Variants in XKR3 observed in about 807,000 individuals in gnomAD.
XKR3 encodes the protein XK-related protein 3.
In XKR3, 27 loss-of-function variants were observed where a neutral mutation model predicts 40.3. That is an observed-to-expected ratio of 0.67 (90% confidence interval 0.49 to 0.92). The LOEUF is 0.92. Ranked by LOEUF, XKR3 falls within the 40% of genes least tolerant of loss-of-function variation. The pLI, the probability that XKR3 is intolerant of heterozygous loss-of-function variation, is 0.00. For missense variants in XKR3, 472 were observed against 537.6 expected (o/e 0.88, Z 1.21); for synonymous variants, 193 against 195.4 (o/e 0.99, Z 0.10).
chr22:16,787,073 A>T (rs1480601683), intron 3 of XKR3, among the ~76,000 whole-genome samples: 5 of 152,198 alleles, frequency 3.3e-5, no homozygotes, highest in Admixed American at 1.3e-4. Context: ...GAAAAAACTA[A>T]TAAAAAAGTT....
At chr22:16,819,888 A>C (rs1235788671) in intron 1 of XKR3, among the ~76,000 whole-genome samples, 1 of 152,174 alleles carries the variant, frequency 6.6e-6, no homozygotes, top group Non-Finnish European at 1.5e-5. Context: ...GGTAAAAATT[A>C]ATTAGCTAAT....
chr22:16,814,416 T>A (rs1048782101), intron 1 of XKR3, among the ~76,000 whole-genome samples: 1 of 152,168 alleles, frequency 6.6e-6, no homozygotes, highest in Non-Finnish European at 1.5e-5. Flanking sequence ...TGCAGCTTTG[T>A]GGTAAATTTT....
intron 3 of XKR3, among the ~76,000 whole-genome samples, chr22:16,787,511 A>T (rs1270846737): frequency 4.0e-5 from 6 of 151,802 alleles, no homozygotes; most frequent in Non-Finnish European, 5.9e-5. Flanking sequence ...TTGAGCCAAG[A>T]TCACGCCATT....
At chr22:16,810,529 G>A (rs2060208229) in intron 1 of XKR3, among the ~76,000 whole-genome samples, 1 of 152,146 alleles carries the variant, frequency 6.6e-6, no homozygotes, top group African/African-American at 2.4e-5. Context: ...CCTCTTTAGT[G>A]ATCCCCTACC....
intron 3 of XKR3, among the ~76,000 whole-genome samples, chr22:16,796,064 ACTATGAACAACT>A (rs1284986796): frequency 6.6e-6 from 1 of 152,208 alleles, no homozygotes; most frequent in African/African-American, 2.4e-5. Flanking sequence ...CTCAGAGACA[ACTATGAACAACT>A]CTATGAACAC....
intron 3 of XKR3, among the ~76,000 whole-genome samples, chr22:16,796,455 TAAC>T (rs1396601724): frequency 6.6e-6 from 1 of 152,076 alleles, no homozygotes; most frequent in Non-Finnish European, 1.5e-5. Context: ...CAAAAATCCT[TAAC>T]AAAATCTCAG....
Position 16,783,623 on chromosome 22 carries a change from G to A in XKR3, c.1376C>T (p.Ser459Leu). The A allele has an allele frequency of 9.5e-6, 15 of 1,575,066 alleles. No homozygotes were observed. In the South Asian group the frequency reaches 1.8e-4, roughly 19 times the overall value. ...YFSIRKSMTCS is the reference protein window; with the variant it reads ...YFSIRKSMTCL ...GTGAAAGTATATATGTATATTTTAT[G>A]AACATGTCATACTTTTTCTGATTGA... Residue 459 changes from serine (S) to leucine (L), a missense_variant, in exon 4 of 4, where the codon TCA (serine) becomes TTA (leucine). Transcript: ENST00000684488.
At chr22:16,792,952 T>A (rs1322095762) in intron 3 of XKR3, among the ~76,000 whole-genome samples, 1 of 152,270 alleles carries the variant, frequency 6.6e-6, no homozygotes, top group African/African-American at 2.4e-5. Flanking sequence ...TATTCACGTA[T>A]ACTTGAATGG....
At position 16,783,740 on chromosome 22, in the gene XKR3, G is replaced by A. The variant is rs2060075786; in HGVS notation, c.1259C>T (p.Pro420Leu). The A allele has an allele frequency of 2.5e-6, 4 of 1,613,822 alleles. No individual in the cohort carries two copies. Among genetic ancestry groups the A allele is most frequent in the Admixed American group, 3.3e-5 (2 of 59,980 alleles). Residue 420 changes from proline (P) to leucine (L), a missense_variant, in exon 4 of 4, where the codon CCG (proline) becomes CTG (leucine). Physicochemically the swap from Pro to Leu is moderately conservative, Grantham distance 98. Transcript: ENST00000684488. ...PGRTENQPEA[P>L]YYYVNIEKTE... Reference sequence around the variant, plus strand: ...TTTCTCGATGTTTACATAATAGTACGGTGCTTCTGGCTGATTTTCAGTACG... The same window carrying A: ...TTTCTCGATGTTTACATAATAGTACAGTGCTTCTGGCTGATTTTCAGTACG...
chr22:16,809,318 T>G (rs1026886351), intron 1 of XKR3, among the ~76,000 whole-genome samples: 1 of 152,242 alleles, frequency 6.6e-6, no homozygotes, highest in African/African-American at 2.4e-5. Context: ...TCCATCAATA[T>G]GATTGATCTT....
intron 3 of XKR3, among the ~76,000 whole-genome samples, chr22:16,796,556 T>G (rs2060141740): frequency 6.6e-6 from 1 of 152,034 alleles, no homozygotes; most frequent in African/African-American, 2.4e-5. Flanking sequence ...GCTCAACATG[T>G]CCAAATCAAT....
rs1341760677 is a variant in XKR3, at chr22:16,784,289, C to G, written c.710G>C (p.Cys237Ser). 8 of 1,614,182 alleles carry G rather than the reference C, an allele frequency of 5.0e-6. No individual in the cohort carries two copies. The East Asian group carries it at 1.8e-4, about 36-fold the overall frequency. The change falls in exon 4 of 4, where the codon TGT (cysteine) becomes TCT (serine). Residue 237 changes from cysteine (C) to serine (S), a missense_variant. Cys to Ser is a moderately radical substitution (Grantham distance 112, BLOSUM62 -1). Coordinates refer to ENST00000684488, the MANE Select transcript of XKR3 (RefSeq NM_001386955.1). ...TIKLPPIEFF[C>S]VVMWRFLEVI... ...CTCCAAAAAACGCCACATCACGACA[C>G]AGAAGAATTCTATCGGCGGTAGCTT... is the stretch of plus-strand genomic sequence containing the variant.
chr22:16,800,731 T>TA (rs1283008651), intron 2 of XKR3, among the ~76,000 whole-genome samples: 3 of 152,206 alleles, frequency 2.0e-5, no homozygotes, highest in East Asian at 3.9e-4. Flanking sequence ...CAGATCTTTA[T>TA]AAAAAATCAC....
chr22:16,823,906 T>C (rs1465406481), intron 1 of XKR3, among the ~76,000 whole-genome samples: 1 of 152,086 alleles, frequency 6.6e-6, no homozygotes, highest in Non-Finnish European at 1.5e-5. Flanking sequence ...CAGGTGATGA[T>C]AATTCAAGGC....
rs114397603 is a variant in XKR3 at position 16,824,086 on chromosome 22, T to G, written c.-11+1205A>C. On this transcript the variant is annotated intron_variant, in intron 1 of 3. Transcript: ENST00000684488. ...AGGCCCTAGAAGCAATATGAAACAG[T>G]CTTCAAATGAATAGATGAGAAAAAT... Among the ~76,000 whole-genome samples the G allele has an allele frequency of 7.5e-3, 1,137 of 152,248 alleles. 19 individuals carry two copies. Among genetic ancestry groups the G allele is most frequent in the African/African-American group, 0.026 (1,071 of 41,530 alleles).
intron 1 of XKR3, among the ~76,000 whole-genome samples, chr22:16,817,937 A>C (rs1302023724): frequency 1.3e-5 from 2 of 152,152 alleles, no homozygotes; most frequent in Non-Finnish European, 2.9e-5. Flanking sequence ...TTGAAAAAGA[A>C]CATATTTTTG....
chr22:16,784,353 T>C lies in XKR3; in HGVS notation c.646A>G (p.Ile216Val). 1 of 1,613,566 alleles carries C rather than the reference T, an allele frequency of 6.2e-7. No homozygotes were observed. The highest frequency in any genetic ancestry group is 8.5e-7 in the Non-Finnish European group (1 of 1,179,846). Residue 216 changes from isoleucine (I) to valine (V), a missense_variant, in exon 4 of 4, where the codon ATA (isoleucine) becomes GTA (valine). Coordinates refer to ENST00000684488, the MANE Select transcript of XKR3 (RefSeq NM_001386955.1). ...TCATTGCTGATCTGGATGGCCAGTA[T>C]ATTGCAGCGAATGGCCCCATAAGTA... ...SVTYGAIRCN[I>V]LAIQISNDDT...
chr22:16,816,507 C>T (rs1307714270), intron 1 of XKR3, among the ~76,000 whole-genome samples: 3 of 150,822 alleles, frequency 2.0e-5, no homozygotes, highest in African/African-American at 4.9e-5. Context: ...TATTTCTAGC[C>T]CCCACAAAAA....
chr22:16,814,800 T>C (rs1309247796), intron 1 of XKR3, among the ~76,000 whole-genome samples: 1 of 152,166 alleles, frequency 6.6e-6, no homozygotes, highest in African/African-American at 2.4e-5. Context: ...TTGACTTTTG[T>C]ATACTGATCT....
Sources: gnomAD v4.1 joint callset for allele counts (sites outside exome capture counted in the v4.1 genomes callset) on GRCh38, gnomAD v4.1.1 for gene constraint, MANE v1.5 for transcripts, NCBI Gene and HGNC (gene_info 2026-07-23, HGNC 2026-07-21) for gene names.